The following NOTCH2NLC variants were observed in gnomAD, a reference collection of about 807,000 sequenced individuals.
NOTCH2NLC encodes the protein notch 2 N-terminal like C, also known as notch homolog 2 N-terminal-like protein C.
In NOTCH2NLC, 4 loss-of-function variants were observed where a neutral mutation model predicts 17.7. That is an observed-to-expected ratio of 0.23 (90% CI 0.11 to 0.52). The LOEUF (loss-of-function observed/expected upper bound fraction) is 0.52, where lower values mean the gene tolerates loss of function less well. Among genes scored for constraint, NOTCH2NLC ranks in the 20% least tolerant of loss-of-function variants. The probability of loss-of-function intolerance (pLI) is 0.96; values close to 1 mark genes in which losing one functional copy is unlikely to be tolerated. For synonymous variants in NOTCH2NLC, 18 were observed against 86.0 expected (o/e 0.21, Z 4.38); for missense variants, 57 against 207.2 (o/e 0.28, Z 4.45).
chr1:149,439,993 T>A (rs1166207750), intron 2 of NOTCH2NLC, among the ~76,000 whole-genome samples: 5 of 149,490 alleles, frequency 3.3e-5, no homozygotes, highest in South Asian at 2.1e-4. Context: ...ATTTAAGTGA[T>A]GGGTGATATT....
intron 3 of NOTCH2NLC, among the ~76,000 whole-genome samples, chr1:149,460,551 A>G (rs1175634240): frequency 1.3e-5 from 2 of 149,410 alleles, no homozygotes; most frequent in Non-Finnish European, 3.0e-5. Flanking sequence ...GTTAGCCAGA[A>G]TGGTCTGGAT....
intron 1 of NOTCH2NLC, among the ~76,000 whole-genome samples, chr1:149,393,678 G>T (rs1403379353): frequency 1.4e-5 from 2 of 144,544 alleles, no homozygotes; most frequent in African/African-American, 2.6e-5. Context: ...AACAAAATCG[G>T]AGTAATTTTC....
rs1431887009 is a variant in NOTCH2NLC, at chr1:149,419,089, C to T, written c.136-11853C>T. Among the ~76,000 whole-genome samples, 7 of 142,810 alleles carry T rather than the reference C, an allele frequency of 4.9e-5. No homozygotes were observed. The East Asian group carries it at 1.2e-3, about 25-fold the overall frequency. 93.7% of individuals were successfully genotyped at this position (142,810 alleles called of 152,430 possible). On this transcript the variant is annotated intron_variant, in intron 1 of 4. Coordinates refer to ENST00000650865, the MANE Select transcript of NOTCH2NLC (RefSeq NM_001364013.2). ...CTTTTCTTTTCTTTCTTTTCTCTCT[C>T]TCTCTTTCTTTAGCAGTTTATTACT...
intron 3 of NOTCH2NLC, among the ~76,000 whole-genome samples, chr1:149,457,591 G>A (rs1183641060): frequency 6.7e-6 from 1 of 150,264 alleles, no homozygotes; most frequent in South Asian, 2.1e-4. Flanking sequence ...ACATGATCAC[G>A]AGGTCCCACA....
At chr1:149,462,258 TTC>T (rs2084654796) in intron 3 of NOTCH2NLC, among the ~76,000 whole-genome samples, 1 of 139,068 alleles carries the variant, frequency 7.2e-6, no homozygotes, top group Non-Finnish European at 1.6e-5. Flanking sequence ...GGATATTTTT[TTC>T]TCTTTCTCTT....
chr1:149,408,803 TAAC>T, intron 1 of NOTCH2NLC: 5 of 827,522 alleles, frequency 6.0e-6, no homozygotes, highest in Non-Finnish European at 5.8e-6. Context: ...GGAGCCTTCT[TAAC>T]AAACTTTCTT....
At chr1:149,423,675 G>A (rs2084391941) in intron 1 of NOTCH2NLC, among the ~76,000 whole-genome samples, 1 of 148,836 alleles carries the variant, frequency 6.7e-6, no homozygotes, top group Non-Finnish European at 1.5e-5. Flanking sequence ...CATAAACGTT[G>A]AAGAAAAAGT....
chr1:149,430,109 A>G (rs1444548271), intron 1 of NOTCH2NLC, among the ~76,000 whole-genome samples: 3 of 148,166 alleles, frequency 2.0e-5, no homozygotes, highest in South Asian at 2.1e-4. Context: ...GCTGAAATCA[A>G]TGAAAATGTC....
rs1245222623 is a variant in NOTCH2NLC, at chr1:149,436,674, TAGAC to T, written c.209+5662_209+5665del. Among the ~76,000 whole-genome samples, 13 of 149,552 alleles carry T rather than the reference TAGAC, an allele frequency of 8.7e-5. 1 individual carries two copies. Among genetic ancestry groups the T allele is most frequent in the Admixed American group, 3.3e-4 (5 of 14,964 alleles). On this transcript the variant is annotated intron_variant, in intron 2 of 4. Transcript: ENST00000650865. ...CAGGGGCATTGTCAGATCAAAGAAA[TAGAC>T]AGGGAAAAATATCAACTGTTAAATT...
At chr1:149,419,833 G>A (rs1160047636) in intron 1 of NOTCH2NLC, among the ~76,000 whole-genome samples, 2 of 128,822 alleles carry the variant, frequency 1.6e-5, no homozygotes, top group Non-Finnish European at 3.3e-5. Context: ...AAAAATTGAA[G>A]TTCAGGAATA....
chr1:149,427,189 T>G (rs1482694602), intron 1 of NOTCH2NLC, among the ~76,000 whole-genome samples: 1 of 150,990 alleles, frequency 6.6e-6, no homozygotes, highest in Non-Finnish European at 1.5e-5. Flanking sequence ...ACCCTATTAT[T>G]AACTATATTC....
rs1164997439 is a variant in NOTCH2NLC at position 149,390,718 on chromosome 1, C to T, written c.-70C>T. On this transcript the variant is annotated 5_prime_UTR_variant, in exon 1 of 5. Coordinates refer to ENST00000650865, the MANE Select transcript of NOTCH2NLC (RefSeq NM_001364013.2). ...GCGCCTGTGCTTCGGACCGTAGCGCCAGGGCCTGAGCCTTTGAAGCAGGAG... is the reference window on the plus strand; with the variant it reads ...GCGCCTGTGCTTCGGACCGTAGCGCTAGGGCCTGAGCCTTTGAAGCAGGAG... 8.0e-6 allele frequency: 10 copies of T among 1,246,158 alleles called. 1 individual carries two copies. In the Admixed American group the frequency reaches 3.1e-4, roughly 38 times the overall value. The allele number at this position is 1,246,158 out of a possible 1,614,324, so 77.2% of individuals were successfully genotyped here. A position where few individuals can be genotyped will look rare whatever the true frequency, so the allele number is the denominator to read the frequency against.
At chr1:149,419,434 C>T (rs2101478916) in intron 1 of NOTCH2NLC, among the ~76,000 whole-genome samples, 1 of 150,874 alleles carries the variant, frequency 6.6e-6, no homozygotes, top group East Asian at 2.0e-4. Context: ...AATTTTCTGT[C>T]TTTGCTGTCT....
In NOTCH2NLC at chr1:149,464,647, T is replaced by C. The variant is rs1285174614; in HGVS notation, c.*494T>C. Reference sequence around the variant, plus strand: ...CAATTCATTCAACTCCTTATAAAAATGATGAGGAGGCTGAAAACCAAGAAT... The same window carrying C: ...CAATTCATTCAACTCCTTATAAAAACGATGAGGAGGCTGAAAACCAAGAAT... On this transcript the variant is annotated 3_prime_UTR_variant, in exon 5 of 5. Coordinates refer to ENST00000650865, the MANE Select transcript of NOTCH2NLC (RefSeq NM_001364013.2). The C allele has an allele frequency of 6.8e-6, 1 of 148,086 alleles. No individual in the cohort carries two copies. The highest frequency in any genetic ancestry group is 1.5e-5 in the Non-Finnish European group (1 of 66,880). 9.2% of individuals were successfully genotyped at this position (148,086 alleles called of 1,614,324 possible).
At chr1:149,408,490 C>T (rs1413082118) in intron 1 of NOTCH2NLC, among the ~76,000 whole-genome samples, 1 of 144,048 alleles carries the variant, frequency 6.9e-6, no homozygotes, top group Non-Finnish European at 1.5e-5. Context: ...AGCATTTCTT[C>T]TTTCCTTTTA....
At chr1:149,438,111 G>A (rs1265221973) in intron 2 of NOTCH2NLC, among the ~76,000 whole-genome samples, 1 of 150,742 alleles carries the variant, frequency 6.6e-6, no homozygotes. Flanking sequence ...TTCTGAAATG[G>A]AAGTGTGGAA....
At chr1:149,417,202 C>T (rs1415954985) in intron 1 of NOTCH2NLC, among the ~76,000 whole-genome samples, 1 of 145,812 alleles carries the variant, frequency 6.9e-6, no homozygotes, top group African/African-American at 2.5e-5. Flanking sequence ...CTCCGCCTCC[C>T]GGGTTCACGC....
Position 149,398,711 on chromosome 1 carries a change from C to T in NOTCH2NLC, c.135+7789C>T, listed in dbSNP as rs1338573142. 1.5e-4 allele frequency among the ~76,000 whole-genome samples: 23 copies of T among 151,296 alleles called. 2 individuals carry two copies. Among genetic ancestry groups the T allele is most frequent in the African/African-American group, 5.3e-4 (22 of 41,240 alleles). On this transcript the variant is annotated intron_variant, in intron 1 of 4. Transcript: ENST00000650865. ...CGCTCCAGCCATGGTACCCCGGGTC[C>T]TCTGGCTAGGCAGTGAGGGGCTGGG...
intron 1 of NOTCH2NLC, among the ~76,000 whole-genome samples, chr1:149,423,957 A>G (rs2084396062): frequency 6.7e-6 from 1 of 150,246 alleles, no homozygotes; most frequent in Non-Finnish European, 1.5e-5. Flanking sequence ...TGAAGTACAG[A>G]CTTAATTACT....
Sources: gnomAD v4.1 joint callset for allele counts (sites outside exome capture counted in the v4.1 genomes callset) on GRCh38, gnomAD v4.1.1 for gene constraint, MANE v1.5 for transcripts, NCBI Gene and HGNC (gene_info 2026-07-23, HGNC 2026-07-21) for gene names.